Variants in PRKCB observed in about 807,000 individuals in gnomAD.
The protein encoded by PRKCB is protein kinase C beta type.
In PRKCB, 13 loss-of-function variants were observed where a neutral mutation model predicts 81.5. That is an observed-to-expected ratio of 0.16 (90% CI 0.10 to 0.25). The LOEUF (loss-of-function observed/expected upper bound fraction) is 0.25. Ranked by LOEUF, PRKCB falls within the 10% of genes least tolerant of loss-of-function variation. PRKCB has a pLI of 1.00. For synonymous variants in PRKCB, 335 were observed against 321.4 expected, an observed-to-expected ratio of 1.04 and a Z score of -0.45; for missense variants, 509 against 875.7, an observed-to-expected ratio of 0.58 and a Z score of 5.29.
chr16:24,018,331 G>A (rs1303998321), intron 3 of PRKCB, among the ~76,000 whole-genome samples: 9 of 152,182 alleles, frequency 5.9e-5, no homozygotes, highest in African/African-American at 1.7e-4. Context: ...GAATACAGGC[G>A]TGAGCCACCG....
Position 24,037,030 on chromosome 16 carries a change from C to T in PRKCB, c.529+1483C>T, listed in dbSNP as rs114470075. 7.3e-3 allele frequency among the ~76,000 whole-genome samples: 1,118 copies of T among 152,272 alleles called. 17 individuals are homozygous for T. Among genetic ancestry groups the T allele is most frequent in the African/African-American group, 0.026 (1,077 of 41,556 alleles). On this transcript the variant is annotated intron_variant, in intron 5 of 16. Coordinates refer to ENST00000643927, the MANE Select transcript of PRKCB (RefSeq NM_002738.7). ...TTGAGAGGGAGACTCCATCTGTTGCCCAGGCTGGAGTGTGGTGGCGCCATC... is the reference window on the plus strand; with the variant it reads ...TTGAGAGGGAGACTCCATCTGTTGCTCAGGCTGGAGTGTGGTGGCGCCATC...
At chr16:23,848,968 C>T (rs973293386) in intron 2 of PRKCB, among the ~76,000 whole-genome samples, 5 of 152,152 alleles carry the variant, frequency 3.3e-5, no homozygotes, top group South Asian at 2.1e-4. Context: ...AAGGAGACGA[C>T]GCAAGAATGG....
intron 15 of PRKCB, among the ~76,000 whole-genome samples, chr16:24,187,981 G>T (rs1398056992): frequency 1.3e-5 from 2 of 152,238 alleles, no homozygotes; most frequent in African/African-American, 2.4e-5. Flanking sequence ...CTTGCATGAT[G>T]TGGGCACATA....
At chr16:23,975,961 A>G (rs1964619712) in intron 2 of PRKCB, among the ~76,000 whole-genome samples, 1 of 152,196 alleles carries the variant, frequency 6.6e-6, no homozygotes, top group Admixed American at 6.5e-5. Context: ...TAGGTGCTCC[A>G]GCATGGTCAT....
intron 13 of PRKCB, among the ~76,000 whole-genome samples, chr16:24,184,420 A>C (rs1414279113): frequency 6.6e-6 from 1 of 151,870 alleles, no homozygotes; most frequent in East Asian, 1.9e-4. Flanking sequence ...TCACCACTGC[A>C]CTCCAGCCTG....
chr16:24,219,359 G>A lies in PRKCB; in HGVS notation c.*4543G>A, dbSNP rs2239340. The A allele has an allele frequency of 0.22, 216,230 of 984,882 alleles. 24,473 individuals are homozygous for A. The highest frequency in any genetic ancestry group is 0.49 in the East Asian group (4,299 of 8,770). 61.0% of individuals were successfully genotyped at this position (984,882 alleles called of 1,614,324 possible). On this transcript the variant is annotated 3_prime_UTR_variant, in exon 17 of 17. Coordinates refer to ENST00000643927, the MANE Select transcript of PRKCB (RefSeq NM_002738.7). ...CACATGCTAAAAATGTCTTTGGAGA[G>A]AACTTCTGCCTGATAAACACCCAAT...
intron 2 of PRKCB, among the ~76,000 whole-genome samples, chr16:23,903,150 C>A (rs1375953463): frequency 6.6e-6 from 1 of 151,722 alleles, no homozygotes; most frequent in Non-Finnish European, 1.5e-5. Context: ...TATTTCTAAA[C>A]CCTCCCCTGA....
intron 9 of PRKCB, among the ~76,000 whole-genome samples, chr16:24,132,436 G>T (rs1474906758): frequency 6.6e-6 from 1 of 152,190 alleles, no homozygotes; most frequent in East Asian, 1.9e-4. Flanking sequence ...TATATGCCAG[G>T]TACCCTTGTA....
intron 3 of PRKCB, among the ~76,000 whole-genome samples, chr16:24,005,078 G>A (rs538612440): frequency 2.0e-5 from 3 of 152,212 alleles, no homozygotes; most frequent in East Asian, 3.9e-4. Context: ...CTGGGATGGT[G>A]CCTATACAGG....
chr16:24,022,537 G>C (rs1480263734), intron 3 of PRKCB, among the ~76,000 whole-genome samples: 2 of 151,920 alleles, frequency 1.3e-5, no homozygotes, highest in Non-Finnish European at 2.9e-5. Context: ...TGTTGCCCAG[G>C]CTGGAGTGCA....
intron 9 of PRKCB, among the ~76,000 whole-genome samples, chr16:24,134,465 A>C (rs866340040): frequency 6.6e-6 from 1 of 152,118 alleles, no homozygotes; most frequent in Non-Finnish European, 1.5e-5. Flanking sequence ...AGCCAGACAC[A>C]GCTGGATGCA....
chr16:23,851,780 C>T (rs978492968), intron 2 of PRKCB, among the ~76,000 whole-genome samples: 1 of 152,044 alleles, frequency 6.6e-6, no homozygotes. Flanking sequence ...GTATAGTTTT[C>T]AGTATACAGA....
chr16:23,897,337 A>G (rs1164356003), intron 2 of PRKCB, among the ~76,000 whole-genome samples: 2 of 152,262 alleles, frequency 1.3e-5, no homozygotes, highest in African/African-American at 2.4e-5. Flanking sequence ...ATGATACACA[A>G]GAACAGTGTT....
intron 2 of PRKCB, among the ~76,000 whole-genome samples, chr16:23,973,551 T>C (rs1040985612): frequency 1.8e-4 from 27 of 152,228 alleles, no homozygotes; most frequent in African/African-American, 6.5e-4. Context: ...CTCTTTTTAT[T>C]CCTACTTTAT....
chr16:24,146,972 G>A lies in PRKCB; in HGVS notation c.1066-7712G>A, dbSNP rs117339702. Among the ~76,000 whole-genome samples the A allele has an allele frequency of 5.9e-3, 893 of 152,158 alleles. 5 individuals carry two copies. The highest frequency in any genetic ancestry group is 0.01 in the Middle Eastern group (3 of 294). Reference sequence around the variant, plus strand: ...TTGAACGTGGGCATCACCAGCCAGGGCAATGGCTACTTTTCTGCTCTTTTC... The same window carrying A: ...TTGAACGTGGGCATCACCAGCCAGGACAATGGCTACTTTTCTGCTCTTTTC... On this transcript the variant is annotated intron_variant, in intron 9 of 16. Coordinates refer to ENST00000643927, the MANE Select transcript of PRKCB (RefSeq NM_002738.7).
At chr16:24,146,575 C>T (rs538177623) in intron 9 of PRKCB, among the ~76,000 whole-genome samples, 21 of 152,288 alleles carry the variant, frequency 1.4e-4, no homozygotes, top group South Asian at 6.2e-4. Context: ...CATTATGCAA[C>T]GCTGGGCCAC....
At chr16:23,953,164 G>T (rs891423504) in intron 2 of PRKCB, among the ~76,000 whole-genome samples, 1 of 152,104 alleles carries the variant, frequency 6.6e-6, no homozygotes, top group Non-Finnish European at 1.5e-5. Context: ...TCAATGAATG[G>T]CAGAGCCCCC....
intron 2 of PRKCB, among the ~76,000 whole-genome samples, chr16:23,846,658 T>C (rs910696229): frequency 6.7e-6 from 1 of 149,706 alleles, no homozygotes; most frequent in African/African-American, 2.4e-5. Flanking sequence ...TAAACCAACT[T>C]TTTTTTGAGT....
chr16:24,097,916 A>G (rs1187449955), intron 7 of PRKCB, among the ~76,000 whole-genome samples: 4 of 152,236 alleles, frequency 2.6e-5, no homozygotes, highest in Non-Finnish European at 5.9e-5. Flanking sequence ...TGAAGCCTCC[A>G]GGTAGCAGGC....
Sources: gnomAD v4.1 joint callset for allele counts (sites outside exome capture counted in the v4.1 genomes callset) on GRCh38, gnomAD v4.1.1 for gene constraint, MANE v1.5 for transcripts, NCBI Gene and HGNC (gene_info 2026-07-23, HGNC 2026-07-21) for gene names.